JADE2: variants seen among roughly 807,000 people sequenced by gnomAD.
The protein encoded by JADE2 is jade family PHD finger 2.
A neutral mutation model predicts 85.7 loss-of-function variants in JADE2; 13 were observed. The observed-to-expected ratio is 0.15, with a 90% CI of 0.10 to 0.24. JADE2 has a LOEUF of 0.24. Ranked by LOEUF, JADE2 falls within the 10% of genes least tolerant of loss-of-function variation. JADE2 has a pLI of 1.00. For synonymous variants in JADE2, 440 were observed against 456.1 expected, an observed-to-expected ratio of 0.96 and a Z score of 0.45; for missense variants, 846 against 1,115.9, an observed-to-expected ratio of 0.76 and a Z score of 3.45.
At chr5:134,540,021 G>GA (rs1761874513) in intron 3 of JADE2, among the ~76,000 whole-genome samples, 1 of 152,158 alleles carries the variant, frequency 6.6e-6, no homozygotes. Flanking sequence ...TGTTAAGAGA[G>GA]GGGAATGCAG....
chr5:134,547,061 AT>A (rs1387893248), intron 3 of JADE2, among the ~76,000 whole-genome samples: 1 of 152,132 alleles, frequency 6.6e-6, no homozygotes, highest in Non-Finnish European at 1.5e-5. Flanking sequence ...CACTATCTTT[AT>A]TTGCTCTTGG....
intron 3 of JADE2, among the ~76,000 whole-genome samples, chr5:134,544,245 T>C (rs1197430374): frequency 6.6e-6 from 1 of 152,242 alleles, no homozygotes; most frequent in Non-Finnish European, 1.5e-5. Context: ...TAAGAGTACC[T>C]AGTGGGCCTA....
chr5:134,576,913 C>T lies in JADE2; in HGVS notation c.1681+17C>T, dbSNP rs904103522. On this transcript the variant is annotated intron_variant, in intron 11 of 11. Transcript: ENST00000681547. ...GGCAGCTGGGTGAGTGAGGGCCATG[C>T]TGGCCTGCAGACACGGCAGGCTTGA... The T allele has an allele frequency of 6.6e-7, 1 of 1,525,826 alleles. No individual in the cohort carries two copies. The highest frequency in any genetic ancestry group is 1.3e-5 in the South Asian group (1 of 78,516). 94.5% of individuals were successfully genotyped at this position (1,525,826 alleles called of 1,614,324 possible). A position where few individuals can be genotyped will look rare whatever the true frequency, so the allele number is the denominator to read the frequency against.
At chr5:134,528,625 T>G (rs1158888218) in intron 1 of JADE2, among the ~76,000 whole-genome samples, 1 of 152,188 alleles carries the variant, frequency 6.6e-6, no homozygotes, top group African/African-American at 2.4e-5. Context: ...GGATGTTTGT[T>G]TGATCTGGAG....
chr5:134,578,413 G>A lies in JADE2; in HGVS notation c.1682-81G>A. On this transcript the variant is annotated intron_variant, in intron 11 of 11. Coordinates refer to ENST00000681547, the MANE Select transcript of JADE2 (RefSeq NM_001388185.1). The surrounding 1 kb of genome is among the most constrained non-coding windows in gnomAD (Gnocchi z 4.4). ...CAGAGAGAAGACGATGCCTGGTGGT[G>A]TGCTGGGAGCGTCAGTGGGCTTCCT... is the stretch of plus-strand genomic sequence containing the variant. 1 of 1,047,962 alleles carries A rather than the reference G, an allele frequency of 9.5e-7. No individual in the cohort carries two copies. The highest frequency in any genetic ancestry group is 1.4e-6 in the Non-Finnish European group (1 of 704,584). 64.9% of individuals were successfully genotyped at this position (1,047,962 alleles called of 1,614,324 possible).
chr5:134,557,268 A>ATTTTTTTT (rs59125974), intron 4 of JADE2, among the ~76,000 whole-genome samples: 3 of 137,908 alleles, frequency 2.2e-5, no homozygotes, highest in East Asian at 2.1e-4. Context: ...TTATTTTTTT[A>ATTTTTTTT]TTTTTTTTTT....
At position 134,560,865 on chromosome 5, in the gene JADE2, G is replaced by A. The variant is rs768632846; in HGVS notation, c.592G>A (p.Glu198Lys). The A allele has an allele frequency of 3.1e-6, 5 of 1,614,124 alleles. No homozygotes were observed. Among genetic ancestry groups the A allele is most frequent in the Non-Finnish European group, 1.7e-6 (2 of 1,180,056 alleles). Residue 198 changes from glutamate (E) to lysine (K), a missense_variant, in exon 6 of 12, where the codon GAG becomes AAG. Transcript: ENST00000681547. ...GGAGGGGCTGGGCATCGAGTACGAC[G>A]AGGATGTTGTCTGCGACGTGTGTCG... Reference protein sequence around the residue: ...TQEGLGIEYDEDVVCDVCRSP... With the variant: ...TQEGLGIEYDKDVVCDVCRSP...
Position 134,525,898 on chromosome 5 carries a change from C to T in JADE2, c.-114C>T, listed in dbSNP as rs1760777405. On this transcript the variant is annotated 5_prime_UTR_variant, in exon 1 of 12. Transcript: ENST00000681547. ...ACCCCGGATGGATGCGCGCCCCCCG[C>T]CCTCCCGCGCCGGCCCCAGGAGCTC... 2.0e-6 allele frequency: 2 copies of T among 985,766 alleles called. No homozygotes were observed. Among genetic ancestry groups the T allele is most frequent in the Non-Finnish European group, 2.4e-6 (2 of 830,426 alleles). The allele number at this position is 985,766 out of a possible 1,614,324, so 61.1% of individuals were successfully genotyped here.
chr5:134,529,540 A>G (rs1045462680), intron 1 of JADE2, among the ~76,000 whole-genome samples: 2 of 152,374 alleles, frequency 1.3e-5, no homozygotes, highest in South Asian at 4.1e-4. Flanking sequence ...GATTAATAAC[A>G]GTACCTATCT....
At chr5:134,526,651 C>T in intron 1 of JADE2, 5 of 985,438 alleles carry the variant, frequency 5.1e-6, no homozygotes, top group Non-Finnish European at 6.0e-6. Context: ...TCTCCCGGCC[C>T]GGTGCACGCG....
chr5:134,547,860 C>T (rs565431352), intron 3 of JADE2, among the ~76,000 whole-genome samples: 2 of 152,300 alleles, frequency 1.3e-5, no homozygotes, highest in African/African-American at 4.8e-5. Flanking sequence ...CATTGAGCTC[C>T]CCTTCTAGTG....
At chr5:134,529,194 A>G (rs1423508049) in intron 1 of JADE2, among the ~76,000 whole-genome samples, 1 of 152,166 alleles carries the variant, frequency 6.6e-6, no homozygotes, top group African/African-American at 2.4e-5. Context: ...TTGGGACCTC[A>G]CAGTTCTCCC....
chr5:134,573,296 G>GC, intron 9 of JADE2, among the ~76,000 whole-genome samples: 1 of 152,304 alleles, frequency 6.6e-6, no homozygotes, highest in South Asian at 2.1e-4. Context: ...TGTTGGCAGG[G>GC]CCTTGGGAGG....
chr5:134,561,078 G>C, intron 6 of JADE2, 121 bp downstream of exon 6: 1 of 799,706 alleles, frequency 1.3e-6, no homozygotes, highest in East Asian at 2.6e-5. Flanking sequence ...AGGAGGAAGG[G>C]AATGGTGAGG....
In JADE2 at chr5:134,562,181, C is replaced by G. The variant is rs754046759; in HGVS notation, c.685-19C>G. 6.3e-7 allele frequency: 1 copy of G among 1,588,132 alleles called. No homozygotes were observed. The highest frequency in any genetic ancestry group is 1.7e-5 in the Admixed American group (1 of 57,780). On this transcript the variant is annotated intron_variant, in intron 6 of 11. Transcript: ENST00000681547. The surrounding 1 kb of genome is among the most constrained non-coding windows in gnomAD (Gnocchi z 4.6). ...ATTGGCCAGTTCCGCTGACTCATGA[C>G]CACCCTGCTCTCTCCTAGGCATGCT... is the stretch of plus-strand genomic sequence containing the variant.
In JADE2 at chr5:134,562,074, G is replaced by T; in HGVS notation, c.685-126G>T. On this transcript the variant is annotated intron_variant, in intron 6 of 11. Coordinates refer to ENST00000681547, the MANE Select transcript of JADE2 (RefSeq NM_001388185.1). This position sits in a 1 kb window ranked among gnomAD's most constrained non-coding sequence, Gnocchi z 4.6. Reference sequence around the variant, plus strand: ...CATTGTAACTCCTCAGAAGTTGTACGTGCCAGAGATGGGAGGCTGTGTAGC... The same window carrying T: ...CATTGTAACTCCTCAGAAGTTGTACTTGCCAGAGATGGGAGGCTGTGTAGC... 1.1e-6 allele frequency: 1 copy of T among 929,192 alleles called. No homozygotes were observed. The highest frequency in any genetic ancestry group is 2.5e-5 in the East Asian group (1 of 39,480). 57.6% of individuals were successfully genotyped at this position (929,192 alleles called of 1,614,324 possible). A position where few individuals can be genotyped will look rare whatever the true frequency, so the allele number is the denominator to read the frequency against.
intron 1 of JADE2, among the ~76,000 whole-genome samples, chr5:134,527,983 G>C (rs1174075184): frequency 6.6e-6 from 1 of 152,168 alleles, no homozygotes; most frequent in Non-Finnish European, 1.5e-5. Flanking sequence ...TCCCGGGTCA[G>C]AGTTTGTAGG....
intron 9 of JADE2, among the ~76,000 whole-genome samples, chr5:134,573,139 G>T (rs145590850): frequency 3.0e-4 from 45 of 152,246 alleles, no homozygotes; most frequent in Non-Finnish European, 5.9e-4. Context: ...CTCAGGACAA[G>T]TGTTAGTTTT....
chr5:134,527,028 T>G (rs1760883149), intron 1 of JADE2, among the ~76,000 whole-genome samples: 1 of 152,152 alleles, frequency 6.6e-6, no homozygotes, highest in Non-Finnish European at 1.5e-5. Context: ...CCCTGCACCA[T>G]GGGTGGTACC....
Sources: gnomAD v4.1 joint callset for allele counts (sites outside exome capture counted in the v4.1 genomes callset) on GRCh38, gnomAD v4.1.1 for gene constraint, Gnocchi (gnomAD v3.1) non-coding constraint, MANE v1.5 for transcripts, NCBI Gene and HGNC (gene_info 2026-07-23, HGNC 2026-07-21) for gene names.